The following BCAS3 variants were observed in gnomAD, a reference collection of about 807,000 sequenced individuals.
BCAS3 encodes the protein BCAS3 microtubule associated cell migration factor.
In BCAS3, 53 loss-of-function variants were observed where a neutral mutation model predicts 116.1. The observed-to-expected ratio is 0.46, with a 90% CI of 0.37 to 0.57. The LOEUF is 0.57. BCAS3 is among the 20% of genes least tolerant of loss of function. BCAS3 has a pLI of 0.00. For missense variants in BCAS3, 917 were observed against 1,165.4 expected (o/e 0.79, Z 3.10); for synonymous variants, 391 against 408.2 (o/e 0.96, Z 0.51).
At chr17:60,936,428 C>T (rs2059929620) in intron 13 of BCAS3, among the ~76,000 whole-genome samples, 2 of 152,166 alleles carry the variant, frequency 1.3e-5, no homozygotes, top group African/African-American at 2.4e-5. Flanking sequence ...CCTGAGGAAT[C>T]GCCACACTGA....
intron 22 of BCAS3, among the ~76,000 whole-genome samples, chr17:61,085,073 C>T (rs2072971610): frequency 6.6e-6 from 1 of 152,184 alleles, no homozygotes; most frequent in African/African-American, 2.4e-5. Context: ...TCCTTGGAAA[C>T]AAGCTATGAA....
At chr17:61,015,313 G>A (rs545252460) in intron 15 of BCAS3, among the ~76,000 whole-genome samples, 3 of 152,302 alleles carry the variant, frequency 2.0e-5, no homozygotes, top group African/African-American at 7.2e-5. Context: ...TTTAGAGACA[G>A]GGTCTCTCTA....
In BCAS3 at chr17:61,313,648, G is replaced by A. The variant is rs2054507936; in HGVS notation, c.2426-54679G>A. ...CGGCGTCCTCCCTCGGGTCCTGCTC[G>A]CTGAAGAGGTACAGCATCTGGAGGA... On this transcript the variant is annotated intron_variant, in intron 22 of 23. Transcript: ENST00000407086. The surrounding 1 kb of genome is among the most constrained non-coding windows in gnomAD (Gnocchi z 4.3). Among the ~76,000 whole-genome samples, 2 of 152,200 alleles carry A rather than the reference G, an allele frequency of 1.3e-5. No individual in the cohort carries two copies. The highest frequency in any genetic ancestry group is 1.9e-4 in the East Asian group (1 of 5,188).
chr17:60,999,664 T>C (rs996587961), intron 15 of BCAS3, among the ~76,000 whole-genome samples: 11 of 152,154 alleles, frequency 7.2e-5, no homozygotes, highest in African/African-American at 2.4e-4. Flanking sequence ...AATTTTAGAA[T>C]AGTTTTTTCT....
chr17:61,374,898 C>A (rs2059257203), intron 23 of BCAS3, among the ~76,000 whole-genome samples: 1 of 152,230 alleles, frequency 6.6e-6, no homozygotes, highest in Admixed American at 6.5e-5. Flanking sequence ...TTTCACAATA[C>A]ATTGGTGAAT....
rs557502740 is a variant in BCAS3 at position 60,855,825 on chromosome 17, A to G, written c.477-12751A>G. Reference sequence around the variant, plus strand: ...CAACCCCCAAAGTAGCTGGGACCACAGGTGCATGCCACTATGCCTACCTAC... The same window carrying G: ...CAACCCCCAAAGTAGCTGGGACCACGGGTGCATGCCACTATGCCTACCTAC... On this transcript the variant is annotated intron_variant, in intron 7 of 23. Transcript: ENST00000407086. 3.3e-5 allele frequency among the ~76,000 whole-genome samples: 5 copies of G among 152,154 alleles called. No individual in the cohort carries two copies. In the East Asian group the frequency reaches 5.8e-4, roughly 18 times the overall value.
At position 61,381,706 on chromosome 17, in the gene BCAS3, A is replaced by T. The variant is rs564502768; in HGVS notation, c.2594-10271A>T. On this transcript the variant is annotated intron_variant, in intron 23 of 23. Transcript: ENST00000407086. This position sits in a 1 kb window ranked among gnomAD's most constrained non-coding sequence, Gnocchi z 6.0. ...CAGTGACATTGGGATTGGTTGGTTC[A>T]CACCAACTTGCGTGTGTGTGCCTGT... Among the ~76,000 whole-genome samples the T allele has an allele frequency of 6.6e-6, 1 of 152,078 alleles. No homozygotes were observed. The highest frequency in any genetic ancestry group is 1.5e-5 in the Non-Finnish European group (1 of 68,022).
At chr17:61,193,493 C>A (rs1035531081) in intron 22 of BCAS3, among the ~76,000 whole-genome samples, 6 of 152,170 alleles carry the variant, frequency 3.9e-5, no homozygotes, top group Admixed American at 3.3e-4. Context: ...TGCGGTGGCT[C>A]ACGCCTGTAA....
At chr17:60,889,557 C>A in intron 9 of BCAS3, 138 bp from the exon 10 acceptor site, 1 of 672,044 alleles carries the variant, frequency 1.5e-6, no homozygotes, top group Non-Finnish European at 2.6e-6. Context: ...AAAATAATGA[C>A]TAGTGTTACA....
At chr17:60,981,464 G>T (rs2062810752) in intron 14 of BCAS3, among the ~76,000 whole-genome samples, 1 of 151,974 alleles carries the variant, frequency 6.6e-6, no homozygotes, top group Non-Finnish European at 1.5e-5. Context: ...TGTATTTTTA[G>T]TAGAGACAGG....
At chr17:60,850,656 G>A (rs2053053480) in intron 7 of BCAS3, among the ~76,000 whole-genome samples, 1 of 152,128 alleles carries the variant, frequency 6.6e-6, no homozygotes. Flanking sequence ...ACTGCGCCCG[G>A]CCAATTTTAG....
rs542921791 is a variant in BCAS3, at chr17:61,012,611, G to A, written c.1487-3140G>A. The stretch of plus-strand genomic sequence containing the variant: ...TATGTAAGACAGACACCACCCCTAC[G>A]AACATAAACATGAATGTAAAACCTA... On this transcript the variant is annotated intron_variant, in intron 15 of 23. Coordinates refer to ENST00000407086, the MANE Select transcript of BCAS3 (RefSeq NM_017679.5). The surrounding 1 kb of genome is among the most constrained non-coding windows in gnomAD (Gnocchi z 4.5). Among the ~76,000 whole-genome samples the A allele has an allele frequency of 1.3e-5, 2 of 151,996 alleles. No individual in the cohort carries two copies. Among genetic ancestry groups the A allele is most frequent in the African/African-American group, 2.4e-5 (1 of 41,496 alleles).
chr17:61,082,778 G>T lies in BCAS3; in HGVS notation c.2328-1689G>T, dbSNP rs977104743. ...AGATGTGATGAGATTACCATGATTG[G>T]CTTAGAAAAATTAGCTGGGGTGGAA... On this transcript the variant is annotated intron_variant, in intron 21 of 23. Transcript: ENST00000407086. The surrounding 1 kb of genome is among the most constrained non-coding windows in gnomAD (Gnocchi z 5.1). Among the ~76,000 whole-genome samples the T allele has an allele frequency of 6.6e-6, 1 of 152,154 alleles. No individual in the cohort carries two copies.
At chr17:60,686,616 A>G (rs148469642) in intron 3 of BCAS3, among the ~76,000 whole-genome samples, 1,987 of 151,926 alleles carry the variant, frequency 0.013, 31 homozygotes, top group African/African-American at 0.043. Flanking sequence ...ACCTCTGCCT[A>G]CGAGTTTCAA....
chr17:60,843,409 A>G (rs2052166456), intron 7 of BCAS3, among the ~76,000 whole-genome samples: 1 of 151,814 alleles, frequency 6.6e-6, no homozygotes, highest in South Asian at 2.1e-4. Flanking sequence ...AGTAGAGACA[A>G]GGTTTCACCA....
At position 60,695,188 on chromosome 17, in the gene BCAS3, T is replaced by G. The variant is rs184447893; in HGVS notation, c.214+5427T>G. On this transcript the variant is annotated intron_variant, in intron 4 of 23. Coordinates refer to ENST00000407086, the MANE Select transcript of BCAS3 (RefSeq NM_017679.5). ...CAGGCTGGAGTGCAGTGGCGTGATC[T>G]CAGCTCACTGAAACCTCCATCTCCC... Among the ~76,000 whole-genome samples, 11 of 150,960 alleles carry G rather than the reference T, an allele frequency of 7.3e-5. No individual in the cohort carries two copies. In the East Asian group the frequency reaches 2.2e-3, roughly 30 times the overall value.
chr17:60,767,604 C>T (rs1045535688), intron 6 of BCAS3, among the ~76,000 whole-genome samples: 2 of 151,998 alleles, frequency 1.3e-5, no homozygotes, highest in Admixed American at 6.5e-5. Flanking sequence ...TCTTCAGCCT[C>T]CCAAAGTGCT....
rs192762349 is a variant in BCAS3 at position 61,171,139 on chromosome 17, C to T, written c.2425+86575C>T. ...GACCCACGGCACCTCCTAATTAAGT[C>T]GCTTATAATCAGTGATAAAGAGAAA... is the stretch of plus-strand genomic sequence containing the variant. On this transcript the variant is annotated intron_variant, in intron 22 of 23. Coordinates refer to ENST00000407086, the MANE Select transcript of BCAS3 (RefSeq NM_017679.5). The surrounding 1 kb of genome is among the most constrained non-coding windows in gnomAD (Gnocchi z 4.1). Among the ~76,000 whole-genome samples the T allele has an allele frequency of 2.0e-5, 3 of 152,192 alleles. No individual in the cohort carries two copies. The highest frequency in any genetic ancestry group is 7.2e-5 in the African/African-American group (3 of 41,530).
In BCAS3 at chr17:60,960,095, G is replaced by C. The variant is rs1427665436; in HGVS notation, c.1221+12743G>C. ...CCAAAGAGTAACTCTTTGATCCTTTGAGGGATGTGGACATGTCTTTTGGGG... is the reference window on the plus strand; with the variant it reads ...CCAAAGAGTAACTCTTTGATCCTTTCAGGGATGTGGACATGTCTTTTGGGG... On this transcript the variant is annotated intron_variant, in intron 14 of 23. Transcript: ENST00000407086. The surrounding 1 kb of genome is among the most constrained non-coding windows in gnomAD (Gnocchi z 4.1). 1.3e-5 allele frequency among the ~76,000 whole-genome samples: 2 copies of C among 152,082 alleles called. No homozygotes were observed. Among genetic ancestry groups the C allele is most frequent in the Admixed American group, 6.6e-5 (1 of 15,254 alleles).
Sources: gnomAD v4.1 joint callset for allele counts (sites outside exome capture counted in the v4.1 genomes callset) on GRCh38, gnomAD v4.1.1 for gene constraint, Gnocchi (gnomAD v3.1) non-coding constraint, MANE v1.5 for transcripts, NCBI Gene and HGNC (gene_info 2026-07-23, HGNC 2026-07-21) for gene names.